The following FTO variants were observed in gnomAD, a reference collection of about 807,000 sequenced individuals.
FTO encodes the protein alpha-ketoglutarate-dependent dioxygenase FTO.
FTO carries 47 observed loss-of-function variants against 63.9 expected under a neutral mutation model. The observed-to-expected ratio is 0.74, with a 90% CI of 0.58 to 0.94. FTO has a LOEUF of 0.94. FTO is among the 40% of genes least tolerant of loss of function. The pLI is 0.00. For synonymous variants in FTO, 207 were observed against 224.4 expected (o/e 0.92, Z 0.69); for missense variants, 562 against 618.1 (o/e 0.91, Z 0.96).
At chr16:53,750,704 A>G (rs1410933977) in intron 1 of FTO, among the ~76,000 whole-genome samples, 6 of 152,198 alleles carry the variant, frequency 3.9e-5, no homozygotes, top group Admixed American at 6.5e-5. Context: ...TCTACAAACT[A>G]TTATCAAAAA....
intron 4 of FTO, among the ~76,000 whole-genome samples, chr16:53,872,851 ACT>A (rs918919963): frequency 1.4e-4 from 22 of 151,886 alleles, no homozygotes; most frequent in African/African-American, 4.8e-4. Context: ...AAACATTACA[ACT>A]CTCTTTTTTT....
In FTO at chr16:53,973,820, C is replaced by T. The variant is rs566724294; in HGVS notation, c.1364+39711C>T. Reference sequence around the variant, plus strand: ...TGGTTATATGGGCATATACATTTTTCAAAACTTGTAGAACTTATACTAAAG... The same window carrying T: ...TGGTTATATGGGCATATACATTTTTTAAAACTTGTAGAACTTATACTAAAG... On this transcript the variant is annotated intron_variant, in intron 8 of 8. Coordinates refer to ENST00000471389, the MANE Select transcript of FTO (RefSeq NM_001080432.3). 7.9e-5 allele frequency among the ~76,000 whole-genome samples: 12 copies of T among 152,138 alleles called. No homozygotes were observed. The South Asian group carries it at 2.5e-3, about 32-fold the overall frequency.
chr16:53,947,348 G>A (rs2082674331), intron 8 of FTO, among the ~76,000 whole-genome samples: 1 of 152,196 alleles, frequency 6.6e-6, no homozygotes, highest in Non-Finnish European at 1.5e-5. Flanking sequence ...TTGTAGGTAG[G>A]CAGGTCCAGA....
rs149923407 is a variant in FTO, at chr16:53,811,046, G to T, written c.123+829G>T. On this transcript the variant is annotated intron_variant, in intron 2 of 8. Coordinates refer to ENST00000471389, the MANE Select transcript of FTO (RefSeq NM_001080432.3). ...TGGTTGGAGTCATGTGCTTATTACT[G>T]AACTAGTCATCATGTTCAGGAGAGT... Among the ~76,000 whole-genome samples the T allele has an allele frequency of 2.1e-3, 323 of 152,234 alleles. 1 individual carries two copies. Among genetic ancestry groups the T allele is most frequent in the African/African-American group, 7.2e-3 (298 of 41,544 alleles).
intron 7 of FTO, among the ~76,000 whole-genome samples, chr16:53,901,980 A>G (rs932660847): frequency 6.6e-6 from 1 of 152,166 alleles, no homozygotes; most frequent in East Asian, 1.9e-4. Flanking sequence ...ATACTATGGG[A>G]CTACTGTTTC....
At chr16:53,724,784 C>T (rs1376552357) in intron 1 of FTO, among the ~76,000 whole-genome samples, 1 of 152,128 alleles carries the variant, frequency 6.6e-6, no homozygotes, top group Non-Finnish European at 1.5e-5. Flanking sequence ...CATGTAAAGC[C>T]ACAGAGTCGG....
At chr16:53,760,599 A>C (rs1418022305) in intron 1 of FTO, among the ~76,000 whole-genome samples, 1 of 143,764 alleles carries the variant, frequency 7.0e-6, no homozygotes, top group South Asian at 2.2e-4. Flanking sequence ...TCATCTTTTA[A>C]CATCTCTCAT....
intron 8 of FTO, among the ~76,000 whole-genome samples, chr16:54,072,749 C>T (rs2085899135): frequency 6.6e-6 from 1 of 152,176 alleles, no homozygotes; most frequent in Non-Finnish European, 1.5e-5. Context: ...ATCCTATCAG[C>T]CTCCTCACTA....
intron 8 of FTO, among the ~76,000 whole-genome samples, chr16:54,100,536 G>T (rs774742934): frequency 6.6e-6 from 1 of 151,948 alleles, no homozygotes; most frequent in Non-Finnish European, 1.5e-5. Flanking sequence ...TAAATTTTTC[G>T]TACAGATGGG....
At chr16:53,764,488 A>AAAAAAAAAAAAAAAG in intron 1 of FTO, among the ~76,000 whole-genome samples, 1 of 151,552 alleles carries the variant, frequency 6.6e-6, no homozygotes, top group East Asian at 1.9e-4. Context: ...AAAAAAAAAA[A>AAAAAAAAAAAAAAAG]AAAGAAAAGA....
intron 7 of FTO, among the ~76,000 whole-genome samples, chr16:53,894,455 A>G (rs1483691407): frequency 6.6e-6 from 1 of 152,180 alleles, no homozygotes; most frequent in Non-Finnish European, 1.5e-5. Flanking sequence ...CTGCTTTTTC[A>G]TTTACTGAAA....
At chr16:53,745,834 A>C (rs1392763943) in intron 1 of FTO, among the ~76,000 whole-genome samples, 1 of 152,220 alleles carries the variant, frequency 6.6e-6, no homozygotes, top group Non-Finnish European at 1.5e-5. Context: ...ATGTGATCCC[A>C]GATATGACTA....
In FTO at chr16:54,119,985, T is replaced by A. The variant is rs1217893050; in HGVS notation, c.*8070T>A. On this transcript the variant is annotated 3_prime_UTR_variant, in exon 9 of 9. Transcript: ENST00000471389. ...ATTTAGACTGGGTCGGGTTGTTATT[T>A]CTTTTTTCCCTGAGCTTTCTCCCAT... The A allele has an allele frequency of 6.6e-6, 1 of 152,254 alleles. No individual in the cohort carries two copies. Among genetic ancestry groups the A allele is most frequent in the Non-Finnish European group, 1.5e-5 (1 of 68,048 alleles). 9.4% of individuals were successfully genotyped at this position (152,254 alleles called of 1,614,324 possible).
chr16:54,002,736 G>A (rs1304152747), intron 8 of FTO, among the ~76,000 whole-genome samples: 2 of 152,326 alleles, frequency 1.3e-5, no homozygotes, highest in Non-Finnish European at 1.5e-5. Flanking sequence ...GTAGAAACTT[G>A]TGTCTACAAA....
intron 7 of FTO, among the ~76,000 whole-genome samples, chr16:53,931,329 A>C (rs182297006): frequency 5.0e-4 from 71 of 141,538 alleles, no homozygotes; most frequent in African/African-American, 1.8e-3. Flanking sequence ...TTTTTAAGAC[A>C]GAGGTTCACT....
At chr16:53,879,754 G>A in intron 5 of FTO, 90 bp from the exon 6 acceptor site, 2 of 1,371,226 alleles carry the variant, frequency 1.5e-6, no homozygotes, top group South Asian at 2.3e-5. Context: ...TGAATTCACA[G>A]CCAGGGACAA....
At chr16:53,813,309 T>A (rs2078586143) in intron 2 of FTO, among the ~76,000 whole-genome samples, 1 of 152,004 alleles carries the variant, frequency 6.6e-6, no homozygotes, top group Non-Finnish European at 1.5e-5. Context: ...CCTCCCAGAT[T>A]CAAGCGATTC....
At chr16:54,048,719 G>A (rs891936982) in intron 8 of FTO, among the ~76,000 whole-genome samples, 7 of 152,168 alleles carry the variant, frequency 4.6e-5, no homozygotes, top group Non-Finnish European at 7.4e-5. Flanking sequence ...TCCAGCAGCC[G>A]TAGAGCATTG....
At chr16:53,942,540 G>GT (rs888569721) in intron 8 of FTO, among the ~76,000 whole-genome samples, 1 of 152,208 alleles carries the variant, frequency 6.6e-6, no homozygotes, top group African/African-American at 2.4e-5. Context: ...AAAGGGATGG[G>GT]TTTTAGTTCA....
Sources: allele counts gnomAD v4.1 joint callset (sites outside exome capture counted in the v4.1 genomes callset), GRCh38; gene constraint gnomAD v4.1.1; transcripts MANE v1.5; gene names NCBI Gene and HGNC (gene_info 2026-07-23, HGNC 2026-07-21).